WDR72: variants seen among roughly 807,000 people sequenced by gnomAD.
The protein encoded by WDR72 is WD repeat domain 72.
A neutral mutation model predicts 124.2 loss-of-function variants in WDR72; 120 were observed. The observed-to-expected ratio is 0.97, with a 90% CI of 0.83 to 1.12. The LOEUF is 1.12. WDR72 is among the 50% of genes most tolerant of loss of function. The pLI, the probability that WDR72 is intolerant of heterozygous loss-of-function variation, is 0.00. For synonymous variants in WDR72, 452 were observed against 441.7 expected (o/e 1.02, Z -0.29); for missense variants, 1,387 against 1,278.8 (o/e 1.08, Z -1.29).
intron 18 of WDR72, among the ~76,000 whole-genome samples, chr15:53,566,146 A>C (rs754096479): frequency 1.3e-5 from 2 of 151,996 alleles, no homozygotes; most frequent in African/African-American, 4.8e-5. Context: ...TTTATTACCT[A>C]TAACCACACT....
At chr15:53,706,929 T>A (rs2017397151) in intron 9 of WDR72, among the ~76,000 whole-genome samples, 1 of 152,058 alleles carries the variant, frequency 6.6e-6, no homozygotes, top group Non-Finnish European at 1.5e-5. Flanking sequence ...GGCACCAGCG[T>A]TTTTAAAGCT....
At position 53,661,128 on chromosome 15, in the gene WDR72, T is replaced by C. The variant is rs187713198; in HGVS notation, c.1962+4444A>G. ...CTCCTAAAGCAGAGTTGAGTACCCA[T>C]AGCAGCAAAATTCTGGCCTGCAAAG... On this transcript the variant is annotated intron_variant, in intron 14 of 19. Transcript: ENST00000360509. 6.0e-3 allele frequency among the ~76,000 whole-genome samples: 911 copies of C among 152,184 alleles called. 2 individuals carry two copies. Among genetic ancestry groups the C allele is most frequent in the Non-Finnish European group, 0.01 (690 of 67,996 alleles).
chr15:53,741,426 T>G (rs1056088362), intron 1 of WDR72, among the ~76,000 whole-genome samples: 3 of 152,178 alleles, frequency 2.0e-5, no homozygotes, highest in Admixed American at 6.5e-5. Context: ...TACCTGAAAT[T>G]CAGAGACGTA....
chr15:53,602,982 T>C (rs1337400487), intron 17 of WDR72, among the ~76,000 whole-genome samples: 1 of 152,158 alleles, frequency 6.6e-6, no homozygotes, highest in Non-Finnish European at 1.5e-5. Flanking sequence ...CCCTAACTCA[T>C]TCTATGAGGC....
At position 53,758,315 on chromosome 15, in the gene WDR72, T is replaced by C. The variant is rs908278383; in HGVS notation, c.-13+1318A>G. 1.2e-4 allele frequency among the ~76,000 whole-genome samples: 19 copies of C among 152,262 alleles called. No individual in the cohort carries two copies. In the South Asian group the frequency reaches 1.9e-3, roughly 15 times the overall value. On this transcript the variant is annotated intron_variant, in intron 1 of 19. Coordinates refer to ENST00000360509, the MANE Select transcript of WDR72 (RefSeq NM_182758.4). ...AGCGCCCAGCCTAGTTAATATTTTC[T>C]TGACAAAATACTTATAATTTTAAAA...
intron 14 of WDR72, among the ~76,000 whole-genome samples, chr15:53,619,569 A>C (rs1451831996): frequency 6.6e-6 from 1 of 151,960 alleles, no homozygotes; most frequent in African/African-American, 2.4e-5. Flanking sequence ...TTGTGTGAAA[A>C]ATATTGCTCA....
chr15:53,548,010 T>C (rs1160827825), intron 18 of WDR72, among the ~76,000 whole-genome samples: 2 of 152,214 alleles, frequency 1.3e-5, no homozygotes, highest in African/African-American at 4.8e-5. Flanking sequence ...AATTGACCAC[T>C]TGAATGACTT....
chr15:53,520,600 A>C (rs1258887470), intron 19 of WDR72, among the ~76,000 whole-genome samples: 1 of 151,974 alleles, frequency 6.6e-6, no homozygotes, highest in Middle Eastern at 3.4e-3. Flanking sequence ...CCACCTAAAA[A>C]CCCCAAATTT....
intron 18 of WDR72, among the ~76,000 whole-genome samples, chr15:53,591,403 A>G (rs988026655): frequency 6.6e-6 from 1 of 152,034 alleles, no homozygotes; most frequent in Non-Finnish European, 1.5e-5. Flanking sequence ...ACAAAATAGC[A>G]TATCAAATCG....
At chr15:53,654,227 G>T (rs1483528945) in intron 14 of WDR72, among the ~76,000 whole-genome samples, 1 of 152,074 alleles carries the variant, frequency 6.6e-6, no homozygotes, top group Non-Finnish European at 1.5e-5. Flanking sequence ...CCACAAGAGG[G>T]CTGCAAAAGA....
chr15:53,555,320 A>G (rs1011784682), intron 18 of WDR72, among the ~76,000 whole-genome samples: 3 of 152,042 alleles, frequency 2.0e-5, no homozygotes, highest in Non-Finnish European at 4.4e-5. Context: ...CGGACCCACG[A>G]AAGACTTCAG....
At chr15:53,526,314 T>C (rs867014506) in intron 18 of WDR72, among the ~76,000 whole-genome samples, 1 of 151,990 alleles carries the variant, frequency 6.6e-6, no homozygotes, top group Non-Finnish European at 1.5e-5. Context: ...AAGGTAAAAT[T>C]TGAATTAGAC....
At chr15:53,637,162 G>T (rs938540616) in intron 14 of WDR72, among the ~76,000 whole-genome samples, 1 of 151,982 alleles carries the variant, frequency 6.6e-6, no homozygotes, top group African/African-American at 2.4e-5. Flanking sequence ...TCATGTTGTG[G>T]CATGTATCAA....
At chr15:53,753,202 A>T (rs1269118112) in intron 1 of WDR72, among the ~76,000 whole-genome samples, 1 of 152,168 alleles carries the variant, frequency 6.6e-6, no homozygotes, top group African/African-American at 2.4e-5. Context: ...GCACAAGTTG[A>T]CATTGGAAGT....
chr15:53,552,236 T>G (rs1893760917), intron 18 of WDR72, among the ~76,000 whole-genome samples: 1 of 152,110 alleles, frequency 6.6e-6, no homozygotes, highest in South Asian at 2.1e-4. Context: ...AAGCTATATA[T>G]CCAAGTTCAG....
intron 18 of WDR72, among the ~76,000 whole-genome samples, chr15:53,594,659 G>A (rs535625632): frequency 2.9e-4 from 44 of 149,334 alleles, no homozygotes; most frequent in Non-Finnish European, 6.2e-4. Flanking sequence ...TATAATGGTG[G>A]TGCTTGCCTA....
intron 14 of WDR72, among the ~76,000 whole-genome samples, chr15:53,651,693 C>T (rs1409672575): frequency 1.3e-5 from 2 of 152,170 alleles, no homozygotes; most frequent in African/African-American, 2.4e-5. Flanking sequence ...TGCTCTATTG[C>T]TCAGGCTGGA....
chr15:53,633,812 A>T (rs2014522479), intron 14 of WDR72, among the ~76,000 whole-genome samples: 1 of 152,210 alleles, frequency 6.6e-6, no homozygotes, highest in South Asian at 2.1e-4. Context: ...CATTACCTGC[A>T]TTTATGAACT....
chr15:53,590,370 T>C (rs1191114403), intron 18 of WDR72, among the ~76,000 whole-genome samples: 1 of 152,060 alleles, frequency 6.6e-6, no homozygotes. Flanking sequence ...AATAAAAGTC[T>C]TCAATATTAA....
Sources: allele counts gnomAD v4.1 joint callset (sites outside exome capture counted in the v4.1 genomes callset), GRCh38; gene constraint gnomAD v4.1.1; transcripts MANE v1.5; gene names NCBI Gene and HGNC (gene_info 2026-07-23, HGNC 2026-07-21).